The following CHEK2 variants were observed in gnomAD, a reference collection of about 807,000 sequenced individuals.
CHEK2 encodes checkpoint kinase 2.
In CHEK2, 71 loss-of-function variants were observed where a neutral mutation model predicts 69.1. The observed-to-expected ratio is 1.03, with a 90% CI of 0.85 to 1.25. The LOEUF (loss-of-function observed/expected upper bound fraction) is 1.25. Ranked by LOEUF, CHEK2 falls within the 50% of genes most tolerant of loss-of-function variation. CHEK2 has a pLI of 0.00. For synonymous variants in CHEK2, 189 were observed against 226.9 expected (o/e 0.83, Z 1.50); for missense variants, 664 against 649.6 (o/e 1.02, Z -0.24).
intron 1 of CHEK2, among the ~76,000 whole-genome samples, chr22:28,738,313 A>G (rs2054473103): frequency 6.6e-6 from 1 of 152,176 alleles, no homozygotes; most frequent in Non-Finnish European, 1.5e-5. Context: ...GTCTAATACT[A>G]CCTGAGCCAG....
At chr22:28,726,237 G>A (rs1409126686) in intron 2 of CHEK2, 1 of 151,242 alleles carries the variant, frequency 6.6e-6, no homozygotes, top group Non-Finnish European at 1.5e-5. Context: ...AGATGTGGTG[G>A]TGCATGCCTG....
At chr22:28,691,596 T>C (rs376968069) in intron 13 of CHEK2, among the ~76,000 whole-genome samples, 1 of 152,268 alleles carries the variant, frequency 6.6e-6, no homozygotes, top group East Asian at 1.9e-4. Context: ...TTTGTGAGGC[T>C]GAGGCGGGAG....
At chr22:28,721,656 T>C in intron 4 of CHEK2, 1 of 458,126 alleles carries the variant, frequency 2.2e-6, no homozygotes, top group Non-Finnish European at 4.5e-6. Context: ...AAGATAAATA[T>C]GTGAGGTAAT....
At chr22:28,717,252 C>A (rs2053617624) in intron 5 of CHEK2, among the ~76,000 whole-genome samples, 1 of 152,082 alleles carries the variant, frequency 6.6e-6, no homozygotes, top group Non-Finnish European at 1.5e-5. Flanking sequence ...GTGGCACAGG[C>A]CTGTAGTCCC....
At chr22:28,723,403 C>A (rs1291878201) in intron 4 of CHEK2, among the ~76,000 whole-genome samples, 1 of 150,158 alleles carries the variant, frequency 6.7e-6, no homozygotes, top group Middle Eastern at 3.8e-3. Context: ...TCGAGACCAT[C>A]CTGGCTAAAA....
chr22:28,694,102 T>C lies in CHEK2; in HGVS notation c.1391A>G (p.Lys464Arg), dbSNP rs529571124. 2.5e-6 allele frequency: 4 copies of C among 1,595,378 alleles called. No individual in the cohort carries two copies. The Admixed American group carries it at 5.0e-5, about 20-fold the overall frequency. ...CTTTGGATCCACTACCAACAACTTC[T>C]TGACAAGGTCCAGAGCTAAAGCAAC... is the stretch of plus-strand genomic sequence containing the variant. ...EVSEKALDLV[K>R]KLLVVDPKAR... Residue 464 changes from lysine to arginine, a missense_variant, in exon 13 of 15, where the codon AAG becomes AGG. Coordinates refer to ENST00000404276, the MANE Select transcript of CHEK2 (RefSeq NM_007194.4).
intron 13 of CHEK2, among the ~76,000 whole-genome samples, chr22:28,690,557 G>A (rs1351912728): frequency 6.6e-6 from 1 of 151,710 alleles, no homozygotes; most frequent in Non-Finnish European, 1.5e-5. Context: ...GAACTCAAGA[G>A]GCGGAGGTTG....
At position 28,695,277 on chromosome 22, in the gene CHEK2, CAAGTGGCATTCT is replaced by C. The variant is rs765926901; in HGVS notation, c.1260-47_1260-36del. 39 of 1,179,208 alleles carry C rather than the reference CAAGTGGCATTCT, an allele frequency of 3.3e-5. 1 individual carries two copies. The highest frequency in any genetic ancestry group is 4.7e-5 in the Non-Finnish European group (37 of 784,754). 73.0% of individuals were successfully genotyped at this position (1,179,208 alleles called of 1,614,324 possible). A position where few individuals can be genotyped will look rare whatever the true frequency, so the allele number is the denominator to read the frequency against. On this transcript the variant is annotated intron_variant, in intron 11 of 14. Coordinates refer to ENST00000404276, the MANE Select transcript of CHEK2 (RefSeq NM_007194.4). Reference sequence around the variant, plus strand: ...GGTAGAGAGAGAAAGGAAAAGAAATCAAGTGGCATTCTCAGTGGCATTCAGATATAAAGATTT... The same window carrying C: ...GGTAGAGAGAGAAAGGAAAAGAAATCCAGTGGCATTCAGATATAAAGATTT...
At position 28,707,253 on chromosome 22, in the gene CHEK2, G is replaced by A. The variant is rs140461148; in HGVS notation, c.846+2753C>T. ...TGGGAAAGCAGTTCAGGGAATTAAC[G>A]ATCTCTGTCACTCTCCAAGTGTGTT... On this transcript the variant is annotated intron_variant, in intron 7 of 14. Transcript: ENST00000404276. 7.5e-3 allele frequency among the ~76,000 whole-genome samples: 1,140 copies of A among 152,274 alleles called. 16 individuals carry two copies. Among genetic ancestry groups the A allele is most frequent in the African/African-American group, 0.026 (1,088 of 41,544 alleles).
At chr22:28,693,292 C>A (rs2145778698) in intron 13 of CHEK2, among the ~76,000 whole-genome samples, 1 of 152,290 alleles carries the variant, frequency 6.6e-6, no homozygotes, top group Middle Eastern at 3.4e-3. Context: ...CAGCCCCAAC[C>A]CCTAGCAGGA....
At chr22:28,711,207 G>A (rs5752775) in intron 6 of CHEK2, among the ~76,000 whole-genome samples, 98,545 of 152,058 alleles carry the variant, frequency 0.65, 32,858 homozygotes, top group East Asian at 0.84. Flanking sequence ...GATTACAAAA[G>A]AGTAGTAAAA....
intron 7 of CHEK2, among the ~76,000 whole-genome samples, chr22:28,706,122 T>A (rs1481816308): frequency 1.3e-5 from 2 of 151,990 alleles, no homozygotes; most frequent in Non-Finnish European, 2.9e-5. Context: ...TGAAACCCTG[T>A]CTCTACTAAA....
intron 8 of CHEK2, among the ~76,000 whole-genome samples, chr22:28,702,865 C>T (rs979911425): frequency 6.6e-6 from 1 of 152,112 alleles, no homozygotes; most frequent in African/African-American, 2.4e-5. Context: ...TTTAAATAAT[C>T]TCTAAAATAC....
chr22:28,711,878 A>C (rs1486925930), intron 6 of CHEK2, 31 bp downstream of exon 6: 4 of 1,417,692 alleles, frequency 2.8e-6, no homozygotes, highest in Non-Finnish European at 4.0e-6. Flanking sequence ...ACGTGTTAAT[A>C]AAAGGTGATC....
rs184343217 is a variant in CHEK2, at chr22:28,740,034, C to G, written c.-7+1735G>C. 1.5e-4 allele frequency among the ~76,000 whole-genome samples: 23 copies of G among 152,122 alleles called. No individual in the cohort carries two copies. The South Asian group carries it at 4.4e-3, about 29-fold the overall frequency. ...TGGTCGACATGGTGAAACCCCAACT[C>G]TACTAAAAATACGAAACTTAGCTGG... On this transcript the variant is annotated intron_variant, in intron 1 of 14. Coordinates refer to ENST00000404276, the MANE Select transcript of CHEK2 (RefSeq NM_007194.4).
At chr22:28,717,701 C>T (rs1453086312) in intron 5 of CHEK2, among the ~76,000 whole-genome samples, 1 of 152,036 alleles carries the variant, frequency 6.6e-6, no homozygotes, top group Non-Finnish European at 1.5e-5. Flanking sequence ...ATGGTGAAAC[C>T]TCATCTCTAC....
intron 13 of CHEK2, among the ~76,000 whole-genome samples, chr22:28,692,391 T>C (rs945627461): frequency 3.3e-5 from 5 of 152,262 alleles, no homozygotes; most frequent in African/African-American, 9.6e-5. Context: ...GTGTGGTCTA[T>C]TAAATGCTAA....
chr22:28,739,593 G>A (rs1247999041), intron 1 of CHEK2, among the ~76,000 whole-genome samples: 2 of 151,966 alleles, frequency 1.3e-5, no homozygotes, highest in Non-Finnish European at 2.9e-5. Context: ...GGAGGCTGAG[G>A]CAGGAGAATC....
rs200869651 is a variant in CHEK2, at chr22:28,708,361, A to ATGTGTGTGTGTGTGTG, written c.846+1644_846+1645insCACACACACACACACA. Among the ~76,000 whole-genome samples the ATGTGTGTGTGTGTGTG allele has an allele frequency of 1.9e-3, 197 of 104,452 alleles. 2 individuals are homozygous for ATGTGTGTGTGTGTGTG. The highest frequency in any genetic ancestry group is 4.7e-3 in the East Asian group (18 of 3,804). 68.5% of individuals were successfully genotyped at this position (104,452 alleles called of 152,430 possible). A position where few individuals can be genotyped will look rare whatever the true frequency, so the allele number is the denominator to read the frequency against. ...TAACAGAGACAGACTGTCTCTAAAAATATGTGTGTGTGTGTGTGTGTGTGT... is the reference window on the plus strand; with the variant it reads ...TAACAGAGACAGACTGTCTCTAAAAATGTGTGTGTGTGTGTGTATGTGTGTGTGTGTGTGTGTGTGT... On this transcript the variant is annotated intron_variant, in intron 7 of 14. Transcript: ENST00000404276.
Sources: gnomAD v4.1 joint callset for allele counts (sites outside exome capture counted in the v4.1 genomes callset) on GRCh38, gnomAD v4.1.1 for gene constraint, MANE v1.5 for transcripts, NCBI Gene and HGNC (gene_info 2026-07-23, HGNC 2026-07-21) for gene names.